Variants in SH3PXD2A observed in about 807,000 individuals in gnomAD.
SH3PXD2A encodes the protein SH3 and PX domains 2A, also known as SH3 and PX domain-containing protein 2A.
Under a neutral mutation model 115.2 loss-of-function variants are expected in SH3PXD2A, and 32 were observed. That is an observed-to-expected ratio of 0.28 (90% CI 0.21 to 0.37). The LOEUF (loss-of-function observed/expected upper bound fraction) is 0.37. Among genes scored for constraint, SH3PXD2A ranks in the 10% least tolerant of loss-of-function variants. SH3PXD2A has a pLI of 1.00. For missense variants in SH3PXD2A, 1,328 were observed against 1,498.7 expected (o/e 0.89, Z 1.88); for synonymous variants, 610 against 629.1 (o/e 0.97, Z 0.45).
intron 8 of SH3PXD2A, among the ~76,000 whole-genome samples, chr10:103,637,053 C>T (rs1592275182): frequency 6.6e-6 from 1 of 152,222 alleles, no homozygotes; most frequent in East Asian, 1.9e-4. Flanking sequence ...TTTTCACCAG[C>T]AAGTATTTCC....
chr10:103,761,407 AG>A (rs1406983925), intron 3 of SH3PXD2A, among the ~76,000 whole-genome samples: 1 of 152,184 alleles, frequency 6.6e-6, no homozygotes, highest in Non-Finnish European at 1.5e-5. Flanking sequence ...CAAAATAAAA[AG>A]TTTAAAAAAA....
intron 8 of SH3PXD2A, among the ~76,000 whole-genome samples, chr10:103,637,738 G>T (rs1248019234): frequency 6.6e-6 from 1 of 152,130 alleles, no homozygotes; most frequent in Non-Finnish European, 1.5e-5. Flanking sequence ...GCGACGGGTG[G>T]GGAGACACTG....
intron 1 of SH3PXD2A, among the ~76,000 whole-genome samples, chr10:103,812,436 A>C (rs1233527127): frequency 2.0e-5 from 3 of 152,156 alleles, no homozygotes; most frequent in African/African-American, 7.2e-5. Context: ...CTGAGCCATC[A>C]AAAAAATTAC....
chr10:103,606,194 TC>T, intron 13 of SH3PXD2A, among the ~76,000 whole-genome samples: 1 of 150,808 alleles, frequency 6.6e-6, no homozygotes, highest in South Asian at 2.1e-4. Flanking sequence ...ATCATCATCA[TC>T]ATCATCATCA....
intron 8 of SH3PXD2A, among the ~76,000 whole-genome samples, chr10:103,649,986 G>A (rs1386353094): frequency 2.0e-5 from 3 of 152,350 alleles, no homozygotes; most frequent in Non-Finnish European, 4.4e-5. Context: ...GCCCCCAGAA[G>A]CCTTGCTAGA....
chr10:103,666,837 G>C lies in SH3PXD2A; in HGVS notation c.472+1771C>G, dbSNP rs1035719632. Among the ~76,000 whole-genome samples, 20 of 152,192 alleles carry C rather than the reference G, an allele frequency of 1.3e-4. No individual in the cohort carries two copies. The highest frequency in any genetic ancestry group is 4.8e-4 in the African/African-American group (20 of 41,450). Reference sequence around the variant, plus strand: ...CAGCAAAGCTGTTGGTTCCTTCGTGGGCTCACCAGCAGGCAGCTCGGTGCC... The same window carrying C: ...CAGCAAAGCTGTTGGTTCCTTCGTGCGCTCACCAGCAGGCAGCTCGGTGCC... On this transcript the variant is annotated intron_variant, in intron 7 of 14. Transcript: ENST00000369774. This position sits in a 1 kb window ranked among gnomAD's most constrained non-coding sequence, Gnocchi z 4.5.
At chr10:103,738,153 T>C (rs1304435268) in intron 3 of SH3PXD2A, among the ~76,000 whole-genome samples, 1 of 152,248 alleles carries the variant, frequency 6.6e-6, no homozygotes, top group Non-Finnish European at 1.5e-5. Context: ...GACAACACTG[T>C]GCAGACAGAC....
At chr10:103,815,427 T>C (rs1394250052) in intron 1 of SH3PXD2A, among the ~76,000 whole-genome samples, 5 of 148,516 alleles carry the variant, frequency 3.4e-5, no homozygotes, top group Non-Finnish European at 5.9e-5. Flanking sequence ...ATATACAATA[T>C]ACACACACAC....
chr10:103,639,647 A>G (rs1323769140), intron 8 of SH3PXD2A, among the ~76,000 whole-genome samples: 1 of 109,172 alleles, frequency 9.2e-6, no homozygotes, highest in African/African-American at 4.2e-5. Flanking sequence ...AAAAAAAAAG[A>G]AAAAAAGAAA....
intron 8 of SH3PXD2A, among the ~76,000 whole-genome samples, chr10:103,633,920 C>G (rs1045064724): frequency 6.6e-5 from 10 of 152,212 alleles, no homozygotes; most frequent in African/African-American, 2.4e-4. Flanking sequence ...GGGAAGAACT[C>G]AGAGACAACC....
chr10:103,853,937 G>A (rs1842917829), intron 1 of SH3PXD2A, among the ~76,000 whole-genome samples: 1 of 152,196 alleles, frequency 6.6e-6, no homozygotes, highest in East Asian at 1.9e-4. Context: ...TGGACCAGAT[G>A]ACACAAAAGA....
At chr10:103,723,551 A>G (rs1468929862) in intron 5 of SH3PXD2A, among the ~76,000 whole-genome samples, 1 of 152,138 alleles carries the variant, frequency 6.6e-6, no homozygotes, top group Non-Finnish European at 1.5e-5. Flanking sequence ...TCAGAGAGAA[A>G]AAAGACCTGC....
chr10:103,777,756 T>C (rs2038894270), intron 2 of SH3PXD2A, among the ~76,000 whole-genome samples: 1 of 152,084 alleles, frequency 6.6e-6, no homozygotes, highest in African/African-American at 2.4e-5. Context: ...GAAAGAGCAC[T>C]AGGTTGGAGT....
intron 8 of SH3PXD2A, among the ~76,000 whole-genome samples, chr10:103,629,646 G>A (rs1269747474): frequency 2.0e-5 from 3 of 152,196 alleles, no homozygotes; most frequent in South Asian, 2.1e-4. Flanking sequence ...AACAAGAGGC[G>A]CCATTCCTTC....
intron 3 of SH3PXD2A, among the ~76,000 whole-genome samples, chr10:103,760,194 C>T (rs904762312): frequency 1.3e-5 from 2 of 152,314 alleles, no homozygotes; most frequent in East Asian, 3.9e-4. Flanking sequence ...TAACTCACTG[C>T]ATATGCAGGC....
In SH3PXD2A at chr10:103,621,001, C is replaced by T. The variant is rs529575664; in HGVS notation, c.802+1469G>A. ...TTTGTGGTGGTATAAACAGAAGACA[C>T]ATGGCACGGTGTATGCGTGGCTGCA... On this transcript the variant is annotated intron_variant, in intron 10 of 14. Coordinates refer to ENST00000369774, the MANE Select transcript of SH3PXD2A (RefSeq NM_001394015.1). Among the ~76,000 whole-genome samples the T allele has an allele frequency of 3.9e-5, 6 of 152,264 alleles. No individual in the cohort carries two copies. The South Asian group carries it at 1.2e-3, about 32-fold the overall frequency.
At position 103,596,748 on chromosome 10, in the gene SH3PXD2A, C is replaced by T. The variant is rs1376702775; in HGVS notation, c.*5068G>A. The T allele has an allele frequency of 6.6e-6, 1 of 152,196 alleles. No homozygotes were observed. Among genetic ancestry groups the T allele is most frequent in the Non-Finnish European group, 1.5e-5 (1 of 67,986 alleles). 9.4% of individuals were successfully genotyped at this position (152,196 alleles called of 1,614,324 possible). On this transcript the variant is annotated 3_prime_UTR_variant, in exon 15 of 15. Transcript: ENST00000369774. ...ATTATTTAGCAATGTGGACAGTTCT[C>T]TTCCCAGAGAGCTCTGCTTTGAGAT...
At chr10:103,812,051 T>C (rs1248277821) in intron 1 of SH3PXD2A, among the ~76,000 whole-genome samples, 1 of 152,254 alleles carries the variant, frequency 6.6e-6, no homozygotes, top group African/African-American at 2.4e-5. Flanking sequence ...CAATAAGTGC[T>C]GGGCCTGGCA....
Position 103,661,535 on chromosome 10 carries a change from G to T in SH3PXD2A, c.473-421C>A, listed in dbSNP as rs574526423. 7.8e-6 allele frequency: 4 copies of T among 512,886 alleles called. No individual in the cohort carries two copies. In the African/African-American group the frequency reaches 8.3e-5, roughly 11 times the overall value. 31.8% of individuals were successfully genotyped at this position (512,886 alleles called of 1,614,324 possible). A position where few individuals can be genotyped will look rare whatever the true frequency, so the allele number is the denominator to read the frequency against. ...CTCTCGGGCCGGCAGGGGCATCGGG[G>T]AGGGCGGCGAGCCAGCGGGTGGGCG... On this transcript the variant is annotated intron_variant, in intron 7 of 14. Coordinates refer to ENST00000369774, the MANE Select transcript of SH3PXD2A (RefSeq NM_001394015.1).
Sources: gnomAD v4.1 joint callset for allele counts (sites outside exome capture counted in the v4.1 genomes callset) on GRCh38, gnomAD v4.1.1 for gene constraint, Gnocchi (gnomAD v3.1) non-coding constraint, MANE v1.5 for transcripts, NCBI Gene and HGNC (gene_info 2026-07-23, HGNC 2026-07-21) for gene names.